The following ANKS4B variants were observed in gnomAD, a reference collection of about 807,000 sequenced individuals.
ANKS4B encodes the protein ankyrin repeat and sterile alpha motif domain containing 4B, also known as ankyrin repeat and SAM domain-containing protein 4B.
ANKS4B carries 21 observed loss-of-function variants against 20.2 expected under a neutral mutation model. The observed-to-expected ratio is 1.04, with a 90% CI of 0.74 to 1.50. The LOEUF (loss-of-function observed/expected upper bound fraction) is 1.50, where lower values mean the gene tolerates loss of function less well. Among genes scored for constraint, ANKS4B ranks in the 40% most tolerant of loss-of-function variants. The probability of loss-of-function intolerance (pLI) is 0.00; values close to 1 mark genes in which losing one functional copy is unlikely to be tolerated. For missense variants in ANKS4B, 473 were observed against 494.6 expected (o/e 0.96, Z 0.41); for synonymous variants, 179 against 194.5 (o/e 0.92, Z 0.66).
intron 1 of ANKS4B, among the ~76,000 whole-genome samples, chr16:21,241,487 C>T (rs1213404428): frequency 6.6e-6 from 1 of 152,160 alleles, no homozygotes; most frequent in Non-Finnish European, 1.5e-5. Context: ...GATCTCAGTT[C>T]ACTGCACCCT....
chr16:21,239,801 C>T (rs1011079010), intron 1 of ANKS4B, among the ~76,000 whole-genome samples: 2 of 152,084 alleles, frequency 1.3e-5, no homozygotes, highest in Non-Finnish European at 2.9e-5. Context: ...AGCGAGCTAA[C>T]GCAGGAACAG....
intron 1 of ANKS4B, among the ~76,000 whole-genome samples, chr16:21,235,573 G>T (rs927256849): frequency 2.0e-5 from 3 of 152,206 alleles, no homozygotes; most frequent in African/African-American, 7.2e-5. Context: ...TGGTCGAGAT[G>T]AGTTGGACTA....
chr16:21,240,391 T>C (rs1434714220), intron 1 of ANKS4B, among the ~76,000 whole-genome samples: 1 of 151,828 alleles, frequency 6.6e-6, no homozygotes, highest in Non-Finnish European at 1.5e-5. Flanking sequence ...TAGGTTCGAG[T>C]GATTCTCCTG....
Position 21,250,608 on chromosome 16 carries a change from CT to C in ANKS4B, c.1043del (p.Leu348ArgfsTer24), listed in dbSNP as rs1567227882. 1 of 1,614,090 alleles carries C rather than the reference CT, an allele frequency of 6.2e-7. No individual in the cohort carries two copies. Among genetic ancestry groups the C allele is most frequent in the Non-Finnish European group, 8.5e-7 (1 of 1,179,988 alleles). On this transcript the variant is annotated frameshift_variant, in exon 2 of 2. Transcript: ENST00000311620. LOFTEE classifies it high-confidence loss of function. ...GGAAGATGTGGTCGATGCCACGCCC[CT>C]GGAAGTGTTCTTGCTGTCTCAGCAC... Reference protein sequence around the residue: ...WEEDVVDATPLEVFLLSQHLE... With the variant: ...WEEDVVDATPXEVFLLSQHLE...
At position 21,233,900 on chromosome 16, in the gene ANKS4B, G is replaced by T; in HGVS notation, c.163G>T (p.Gly55Ter). ...LEALEIICSR[G>*]GDPDRCDIWG... ...AGCCCTAGAGATAATCTGCAGTAGA[G>T]GGTAAGTTCAACCCGATGGTTTCTG... Residue 55 changes from glycine (G) to a stop codon, truncating the protein, a stop_gained and splice_region_variant, in exon 1 of 2, where the codon GGA (glycine) becomes TGA (stop). Coordinates refer to ENST00000311620, the MANE Select transcript of ANKS4B (RefSeq NM_145865.3). LOFTEE classifies it high-confidence loss of function. The T allele has an allele frequency of 6.2e-7, 1 of 1,610,238 alleles. No individual in the cohort carries two copies. The highest frequency in any genetic ancestry group is 8.5e-7 in the Non-Finnish European group (1 of 1,178,080).
intron 1 of ANKS4B, among the ~76,000 whole-genome samples, chr16:21,237,538 C>T (rs563317358): frequency 6.6e-6 from 1 of 151,910 alleles, no homozygotes; most frequent in African/African-American, 2.4e-5. Context: ...CAAGATGGTG[C>T]CTTGTTGTTG....
In ANKS4B at chr16:21,251,279, A is replaced by G. The variant is rs571271575; in HGVS notation, c.*459A>G. On this transcript the variant is annotated 3_prime_UTR_variant, in exon 2 of 2. Transcript: ENST00000311620. ...ACCCCCCACACCTGGCTTATTTTGT[A>G]TGTTTTAGTAGAGGTGGGGTCTTGC... 2 of 159,204 alleles carry G rather than the reference A, an allele frequency of 1.3e-5. No homozygotes were observed. The highest frequency in any genetic ancestry group is 5.8e-5 in the Admixed American group (1 of 17,116). 9.9% of individuals were successfully genotyped at this position (159,204 alleles called of 1,614,324 possible).
At chr16:21,243,016 G>A (rs2093328222) in intron 1 of ANKS4B, among the ~76,000 whole-genome samples, 1 of 152,092 alleles carries the variant, frequency 6.6e-6, no homozygotes, top group East Asian at 1.9e-4. Flanking sequence ...ATTGGCAAAA[G>A]GCAGAGTATT....
At position 21,250,099 on chromosome 16, in the gene ANKS4B, G is replaced by T. The variant is rs780240428; in HGVS notation, c.533G>T (p.Gly178Val). ...EESGTLSSSK[G>V]TFSRSSPSNA... is the part of the protein sequence containing the mutation. ...TCCGGGACTCTCTCTTCTTCCAAGG[G>T]TACCTTCTCCAGATCATCCCCTTCA... The change falls in exon 2 of 2, where the codon GGT (glycine) becomes GTT (valine). Residue 178 changes from glycine to valine, a missense_variant. Coordinates refer to ENST00000311620, the MANE Select transcript of ANKS4B (RefSeq NM_145865.3). 8.1e-6 allele frequency: 13 copies of T among 1,614,194 alleles called. No homozygotes were observed. The highest frequency in any genetic ancestry group is 1.1e-5 in the Non-Finnish European group (13 of 1,180,044).
chr16:21,250,577 G>T lies in ANKS4B; in HGVS notation c.1011G>T (p.Glu337Asp). ...DDLPWDDDEV[E>D]WEEDVVDATP... ...TGCCGTGGGATGACGATGAAGTGGA[G>T]TGGGAGGAAGATGTGGTCGATGCCA... The change falls in exon 2 of 2, where the codon GAG (glutamate) becomes GAT (aspartate). Residue 337 changes from glutamate (E) to aspartate (D), a missense_variant. Glu to Asp is a conservative substitution (Grantham distance 45). Transcript: ENST00000311620. 6.2e-7 allele frequency: 1 copy of T among 1,614,232 alleles called. No individual in the cohort carries two copies. Among genetic ancestry groups the T allele is most frequent in the Non-Finnish European group, 8.5e-7 (1 of 1,180,034 alleles).
chr16:21,246,661 T>C (rs948152080), intron 1 of ANKS4B, among the ~76,000 whole-genome samples: 1 of 152,108 alleles, frequency 6.6e-6, no homozygotes, highest in African/African-American at 2.4e-5. Context: ...AAAAGCCCAG[T>C]TGTGTTAATC....
At chr16:21,237,207 G>C (rs2093321274) in intron 1 of ANKS4B, among the ~76,000 whole-genome samples, 1 of 151,980 alleles carries the variant, frequency 6.6e-6, no homozygotes, top group South Asian at 2.1e-4. Flanking sequence ...TTTTAGTAGG[G>C]ACAGGGTTTC....
rs192560063 is a variant in ANKS4B, at chr16:21,238,274, T to C, written c.164+4373T>C. Among the ~76,000 whole-genome samples the C allele has an allele frequency of 4.7e-3, 709 of 152,350 alleles. 4 individuals carry two copies. Among genetic ancestry groups the C allele is most frequent in the South Asian group, 7.9e-3 (38 of 4,826 alleles). ...AAATTCTTTTTATGCTTAAAAAGAA[T>C]TGGCCATTGGATTGCCACTTTTGTG... On this transcript the variant is annotated intron_variant, in intron 1 of 1. Coordinates refer to ENST00000311620, the MANE Select transcript of ANKS4B (RefSeq NM_145865.3).
rs759794962 is a variant in ANKS4B, at chr16:21,251,089, G to GTTGTT, written c.*292_*296dup. On this transcript the variant is annotated 3_prime_UTR_variant, in exon 2 of 2. Transcript: ENST00000311620. The stretch of plus-strand genomic sequence containing the variant: ...ATATGTACATATAATTGTTTTTGTG[G>GTTGTT]TTGTTTTGTTTTGTTTTGTTTTGTT... 50 of 383,252 alleles carry GTTGTT rather than the reference G, an allele frequency of 1.3e-4. No homozygotes were observed. The highest frequency in any genetic ancestry group is 4.1e-4 in the South Asian group (5 of 12,090). The allele number at this position is 383,252 out of a possible 1,614,324, so 23.7% of individuals were successfully genotyped here.
intron 1 of ANKS4B, among the ~76,000 whole-genome samples, chr16:21,243,409 A>G (rs1469934816): frequency 6.6e-6 from 1 of 152,212 alleles, no homozygotes; most frequent in Non-Finnish European, 1.5e-5. Flanking sequence ...CTAGTTTTCC[A>G]CCCAGGCAGT....
chr16:21,251,768 C>T lies in ANKS4B; in HGVS notation c.*948C>T, dbSNP rs998926794. The T allele has an allele frequency of 2.0e-5, 3 of 152,186 alleles. No homozygotes were observed. Among genetic ancestry groups the T allele is most frequent in the African/African-American group, 7.2e-5 (3 of 41,438 alleles). The allele number at this position is 152,186 out of a possible 1,614,324, so 9.4% of individuals were successfully genotyped here. A position where few individuals can be genotyped will look rare whatever the true frequency, so the allele number is the denominator to read the frequency against. ...GGAGAGTGAAGAAAGAGATAGAATA[C>T]AGGTGGTACCTGTTGTGGACTGAAT... On this transcript the variant is annotated 3_prime_UTR_variant, in exon 2 of 2. Coordinates refer to ENST00000311620, the MANE Select transcript of ANKS4B (RefSeq NM_145865.3).
chr16:21,236,277 C>A (rs1442515469), intron 1 of ANKS4B, among the ~76,000 whole-genome samples: 1 of 152,150 alleles, frequency 6.6e-6, no homozygotes, highest in African/African-American at 2.4e-5. Flanking sequence ...TGGTGCTAAA[C>A]CATTCATGAG....
rs1275277860 is a variant in ANKS4B, at chr16:21,249,842, T to G, written c.276T>G (p.Phe92Leu). Residue 92 changes from phenylalanine (F) to leucine (L), a missense_variant, in exon 2 of 2, where the codon TTT becomes TTG. Transcript: ENST00000311620. ...SFLVNFGANI[F>L]ALDNDLQTPL... ...TGGTCAACTTTGGTGCCAACATCTT[T>G]GCCCTGGATAATGACTTACAGACTC... 1 of 1,614,170 alleles carries G rather than the reference T, an allele frequency of 6.2e-7. No homozygotes were observed. Among genetic ancestry groups the G allele is most frequent in the East Asian group, 2.2e-5 (1 of 44,878 alleles).
chr16:21,244,267 G>T (rs2093329847), intron 1 of ANKS4B, among the ~76,000 whole-genome samples: 1 of 151,952 alleles, frequency 6.6e-6, no homozygotes, highest in African/African-American at 2.4e-5. Flanking sequence ...CTGTTGGGGG[G>T]TCGGGGGCAA....
Sources: allele counts gnomAD v4.1 joint callset (sites outside exome capture counted in the v4.1 genomes callset), GRCh38; gene constraint gnomAD v4.1.1; transcripts MANE v1.5; gene names NCBI Gene and HGNC (gene_info 2026-07-23, HGNC 2026-07-21).